The following UGT1A5 variants were observed in gnomAD, a reference collection of about 807,000 sequenced individuals.
The protein encoded by UGT1A5 is UDP glucuronosyltransferase family 1 member A5, also known as UDP-glucuronosyltransferase 1A5.
UGT1A5 carries 29 observed loss-of-function variants against 40.3 expected under a neutral mutation model. The ratio of observed to expected loss-of-function variants is 0.72; its 90% CI spans 0.54 to 0.98. UGT1A5 has a LOEUF of 0.98. UGT1A5 is among the 50% of genes least tolerant of loss of function. The probability of loss-of-function intolerance (pLI) is 0.00; values close to 1 mark genes in which losing one functional copy is unlikely to be tolerated. For synonymous variants in UGT1A5, 257 were observed against 262.5 expected, an observed-to-expected ratio of 0.98 and a Z score of 0.20; for missense variants, 678 against 677.9, an observed-to-expected ratio of 1.00 and a Z score of 0.00.
chr2:233,718,785 G>T (rs544842461), intron 1 of UGT1A5: 1 of 1,612,968 alleles, frequency 6.2e-7, no homozygotes, highest in South Asian at 1.1e-5. Context: ...GGCACAGCGT[G>T]GGGTGGACAG....
rs548796271 is a variant in UGT1A5, at chr2:233,768,515, C to A, written c.1307+76C>A. 220 of 1,546,098 alleles carry A rather than the reference C, an allele frequency of 1.4e-4. No individual in the cohort carries two copies. In the African/African-American group the frequency reaches 2.5e-3, roughly 18 times the overall value. ...ATTGTTTCAAATATGAAAACATTTA[C>A]GTAGCATTTAATAGCGTTGTTTCAA... On this transcript the variant is annotated intron_variant, in intron 4 of 4. Transcript: ENST00000373414.
chr2:233,750,239 C>A (rs1187783492), intron 1 of UGT1A5, among the ~76,000 whole-genome samples: 6 of 151,854 alleles, frequency 4.0e-5, no homozygotes, highest in African/African-American at 1.2e-4. Context: ...TTATTGGGAA[C>A]TGGAACAAAG....
At chr2:233,743,335 G>C (rs534297671) in intron 1 of UGT1A5, 1 of 800,282 alleles carries the variant, frequency 1.2e-6, no homozygotes, top group East Asian at 6.3e-5. Flanking sequence ...AACTATTTCA[G>C]TGGAAGTCGA....
At chr2:233,732,380 T>C (rs1265735798) in intron 1 of UGT1A5, among the ~76,000 whole-genome samples, 1 of 152,104 alleles carries the variant, frequency 6.6e-6, no homozygotes, top group Non-Finnish European at 1.5e-5. Context: ...CTATGTCTTC[T>C]AGGCCATGCC....
At chr2:233,718,615 G>A (rs2076668120) in intron 1 of UGT1A5, 1 of 856,316 alleles carries the variant, frequency 1.2e-6, no homozygotes, top group Non-Finnish European at 1.4e-6. Flanking sequence ...TTCAAGATAG[G>A]CGTGATTGGT....
chr2:233,761,268 C>T lies in UGT1A5; in HGVS notation c.868-5766C>T, dbSNP rs991345874. 11 of 1,592,332 alleles carry T rather than the reference C, an allele frequency of 6.9e-6. No homozygotes were observed. In the African/African-American group the frequency reaches 1.5e-4, roughly 21 times the overall value. On this transcript the variant is annotated intron_variant, in intron 1 of 4. Coordinates refer to ENST00000373414, the MANE Select transcript of UGT1A5 (RefSeq NM_019078.2). ...GCATTCTGAGATAATTTAAAATGCC[C>T]TCTTTTGTTAATTTTTGACTCCTAG...
At chr2:233,730,564 A>G (rs1270529566) in intron 1 of UGT1A5, among the ~76,000 whole-genome samples, 1 of 152,140 alleles carries the variant, frequency 6.6e-6, no homozygotes, top group Non-Finnish European at 1.5e-5. Context: ...AGAATGACAC[A>G]CGAAGTTCAG....
chr2:233,760,258 G>T (rs1164776908), intron 1 of UGT1A5: 1 of 1,611,202 alleles, frequency 6.2e-7, no homozygotes, highest in South Asian at 1.1e-5. Flanking sequence ...AAGTAGGAGA[G>T]GGCGAACCTC....
Position 233,772,460 on chromosome 2 carries a change from A to C in UGT1A5, c.1506A>C (p.Thr502=), listed in dbSNP as rs1435465707. Residue 502 remains threonine (T), a synonymous_variant, in exon 5 of 5, where the codon ACA becomes ACC. Transcript: ENST00000373414. The part of the protein sequence containing the change: ...VIGFLLAVVL[T]VAFITFKCCA... Reference sequence around the variant, plus strand: ...GTTTCCTCTTGGCCGTCGTGCTGACAGTGGCCTTCATCACCTTTAAATGTT... The same window carrying C: ...GTTTCCTCTTGGCCGTCGTGCTGACCGTGGCCTTCATCACCTTTAAATGTT... 6.2e-7 allele frequency: 1 copy of C among 1,614,184 alleles called. No individual in the cohort carries two copies. Among genetic ancestry groups the C allele is most frequent in the Non-Finnish European group, 8.5e-7 (1 of 1,180,034 alleles).
chr2:233,738,082 A>G (rs1218405907), intron 1 of UGT1A5, among the ~76,000 whole-genome samples: 11 of 152,110 alleles, frequency 7.2e-5, no homozygotes, highest in African/African-American at 2.4e-4. Flanking sequence ...TCCTAATCTC[A>G]TCATAGTGAG....
rs755218546 is a variant in UGT1A5 at position 233,767,936 on chromosome 2, G to A, written c.1087G>A (p.Gly363Ser). The A allele has an allele frequency of 2.4e-5, 38 of 1,614,052 alleles. No homozygotes were observed. In the South Asian group the frequency reaches 4.2e-4, roughly 18 times the overall value. Residue 363 changes from glycine (G) to serine (S), a missense_variant and splice_region_variant, in exon 3 of 5, where the codon GGT becomes AGT. Coordinates refer to ENST00000373414, the MANE Select transcript of UGT1A5 (RefSeq NM_019078.2). ...GTGGCTACCCCAAAACGATCTGCTT[G>A]GTATGTTGGGCGGATTGGATGTATA... ...VKWLPQNDLL[G>S]HPMTRAFITH...
At chr2:233,724,298 C>T (rs1308100434) in intron 1 of UGT1A5, among the ~76,000 whole-genome samples, 3 of 143,234 alleles carry the variant, frequency 2.1e-5, no homozygotes, top group African/African-American at 7.8e-5. Flanking sequence ...CTGACCCCCC[C>T]ACCTCCCTCC....
rs2076277605 is a variant in UGT1A5, at chr2:233,713,095, C to T, written c.104C>T (p.Pro35Leu). The stretch of plus-strand genomic sequence containing the variant: ...GAGAGTGGGAAGGTGCTGGTGGTGC[C>T]CACTGATGGCAGCCACTGGCTCAGC... Reference protein sequence around the residue: ...WAESGKVLVVPTDGSHWLSMR... With the variant: ...WAESGKVLVVLTDGSHWLSMR... Residue 35 changes from proline to leucine, a missense_variant, in exon 1 of 5, where the codon CCC becomes CTC. Physicochemically the swap from Pro to Leu is moderately conservative, Grantham distance 98. Coordinates refer to ENST00000373414, the MANE Select transcript of UGT1A5 (RefSeq NM_019078.2). 6.2e-7 allele frequency: 1 copy of T among 1,614,166 alleles called. No individual in the cohort carries two copies. Among genetic ancestry groups the T allele is most frequent in the Non-Finnish European group, 8.5e-7 (1 of 1,180,032 alleles).
chr2:233,769,820 A>C lies in UGT1A5; in HGVS notation c.1307+1381A>C, dbSNP rs1699945956. 1.3e-5 allele frequency: 11 copies of C among 843,066 alleles called. No individual in the cohort carries two copies. The highest frequency in any genetic ancestry group is 1.5e-5 in the Non-Finnish European group (9 of 599,386). The allele number at this position is 843,066 out of a possible 1,614,324, so 52.2% of individuals were successfully genotyped here. On this transcript the variant is annotated intron_variant, in intron 4 of 4. Transcript: ENST00000373414. The surrounding 1 kb of genome is among the most constrained non-coding windows in gnomAD (Gnocchi z 4.4). ...CTATGAGCCGTGATCATGCCACTGCACTCCAGCAACCTGGGCAACAGAGTG... is the reference window on the plus strand; with the variant it reads ...CTATGAGCCGTGATCATGCCACTGCCCTCCAGCAACCTGGGCAACAGAGTG...
chr2:233,737,440 C>T (rs575360355), intron 1 of UGT1A5, among the ~76,000 whole-genome samples: 16 of 152,288 alleles, frequency 1.1e-4, no homozygotes, highest in African/African-American at 3.1e-4. Context: ...GGGAGTGTCC[C>T]GTTTTTCCAG....
intron 1 of UGT1A5, among the ~76,000 whole-genome samples, chr2:233,761,639 G>A (rs1340532947): frequency 3.9e-5 from 6 of 152,230 alleles, no homozygotes; most frequent in Non-Finnish European, 5.9e-5. Context: ...CCTGCAGTCC[G>A]TTCTCTTCTA....
At chr2:233,732,140 G>GT (rs1352899510) in intron 1 of UGT1A5, among the ~76,000 whole-genome samples, 2 of 135,546 alleles carry the variant, frequency 1.5e-5, no homozygotes, top group East Asian at 2.0e-4. Flanking sequence ...TTGTTTGTTT[G>GT]TTTTTTTTCT....
chr2:233,742,223 A>G (rs1691912162), intron 1 of UGT1A5, among the ~76,000 whole-genome samples: 1 of 151,938 alleles, frequency 6.6e-6, no homozygotes, highest in South Asian at 2.1e-4. Flanking sequence ...CAGGGCTGAG[A>G]GCCCCAAACA....
chr2:233,751,468 G>T (rs1694737007), intron 1 of UGT1A5, among the ~76,000 whole-genome samples: 1 of 152,190 alleles, frequency 6.6e-6, no homozygotes, highest in African/African-American at 2.4e-5. Flanking sequence ...AGGCACGATT[G>T]GTTTTGAAAT....
Sources: allele counts gnomAD v4.1 joint callset (sites outside exome capture counted in the v4.1 genomes callset), GRCh38; gene constraint gnomAD v4.1.1; non-coding constraint Gnocchi (gnomAD v3.1); transcripts MANE v1.5; gene names NCBI Gene and HGNC (gene_info 2026-07-23, HGNC 2026-07-21).